The following SBF2 variants were observed in gnomAD, a reference collection of about 807,000 sequenced individuals.
SBF2 encodes myotubularin-related protein 13.
Under a neutral mutation model 225.2 loss-of-function variants are expected in SBF2, and 112 were observed. The ratio of observed to expected loss-of-function variants is 0.50; its 90% CI spans 0.43 to 0.58. The LOEUF is 0.58. SBF2 is among the 20% of genes least tolerant of loss of function. The probability of loss-of-function intolerance (pLI) is 0.00; values close to 1 mark genes in which losing one functional copy is unlikely to be tolerated. For synonymous variants in SBF2, 763 were observed against 773.3 expected (o/e 0.99, Z 0.22); for missense variants, 1,996 against 2,206.2 (o/e 0.90, Z 1.91).
intron 2 of SBF2, among the ~76,000 whole-genome samples, chr11:10,129,094 TTC>T (rs201440867): frequency 5.2e-5 from 6 of 116,140 alleles, no homozygotes; most frequent in East Asian, 4.9e-4. Flanking sequence ...GCACGCAATT[TTC>T]TCTCTTTTTT....
intron 14 of SBF2, among the ~76,000 whole-genome samples, chr11:9,965,279 G>A (rs940252169): frequency 3.4e-5 from 5 of 148,640 alleles, no homozygotes; most frequent in African/African-American, 7.4e-5. Context: ...ACCTATATTC[G>A]TCAAATAATG....
chr11:10,002,767 G>T, intron 6 of SBF2, 78 bp from the exon 7 acceptor site: 1 of 1,371,446 alleles, frequency 7.3e-7, no homozygotes, highest in Non-Finnish European at 1.0e-6. Flanking sequence ...AGTATACACG[G>T]AAAGAAAAAG....
At chr11:10,158,812 G>A (rs1256262774) in intron 2 of SBF2, among the ~76,000 whole-genome samples, 1 of 152,136 alleles carries the variant, frequency 6.6e-6, no homozygotes, top group Non-Finnish European at 1.5e-5. Context: ...ATCCCCAGTA[G>A]GATTTATCCC....
At chr11:10,192,520 T>C (rs1050949514) in intron 2 of SBF2, among the ~76,000 whole-genome samples, 5 of 152,200 alleles carry the variant, frequency 3.3e-5, no homozygotes, top group African/African-American at 1.2e-4. Context: ...CTGAGATATG[T>C]TGAACAAACA....
At chr11:9,915,621 C>T (rs1427043003) in intron 16 of SBF2, 1 of 151,810 alleles carries the variant, frequency 6.6e-6, no homozygotes. Context: ...AAATTAAAGA[C>T]CAGACTTAAG....
intron 13 of SBF2, among the ~76,000 whole-genome samples, chr11:9,979,689 A>T (rs1946856145): frequency 6.6e-6 from 1 of 152,220 alleles, no homozygotes; most frequent in African/African-American, 2.4e-5. Flanking sequence ...TTATGATTTA[A>T]TGTGTGATGT....
rs1182829636 is a variant in SBF2, at chr11:9,853,588, T to C, written c.2488A>G (p.Ser830Gly). 1 of 1,614,002 alleles carries C rather than the reference T, an allele frequency of 6.2e-7. No individual in the cohort carries two copies. Among genetic ancestry groups the C allele is most frequent in the Admixed American group, 1.7e-5 (1 of 60,016 alleles). ...TRFIDKVCTE[S>G]GVTQDHIKSL... ...TTGATGTGATCCTGAGTAACTCCAC[T>C]CTCTGTACAAACTTTGTCAATAAAT... The change falls in exon 20 of 40, where the codon AGT becomes GGT. Residue 830 changes from serine to glycine, a missense_variant. Physicochemically the swap from Ser to Gly is moderately conservative, Grantham distance 56. Transcript: ENST00000256190.
chr11:9,789,129 C>G lies in SBF2; in HGVS notation c.4912G>C (p.Ala1638Pro). 1 of 1,614,132 alleles carries G rather than the reference C, an allele frequency of 6.2e-7. No individual in the cohort carries two copies. The highest frequency in any genetic ancestry group is 8.5e-7 in the Non-Finnish European group (1 of 1,180,000). The change falls in exon 35 of 40, where the codon GCT (alanine) becomes CCT (proline). Residue 1638 changes from alanine to proline, a missense_variant. Physicochemically the swap from Ala to Pro is conservative, Grantham distance 27 (BLOSUM62 -1). Coordinates refer to ENST00000256190, the MANE Select transcript of SBF2 (RefSeq NM_030962.4). ...YDDVSCTQPD[A>P]LTSLFSEIEK... Reference sequence around the variant, plus strand: ...CTTACACTGAAAAGGCTGGTGAGAGCATCAGGCTGAGTACAGCTGACATCA... The same window carrying G: ...CTTACACTGAAAAGGCTGGTGAGAGGATCAGGCTGAGTACAGCTGACATCA...
At chr11:10,003,176 C>A (rs1020900883) in intron 6 of SBF2, among the ~76,000 whole-genome samples, 1 of 152,150 alleles carries the variant, frequency 6.6e-6, no homozygotes, top group Non-Finnish European at 1.5e-5. Context: ...TCCTAATAAA[C>A]CCATTGTAAA....
intron 2 of SBF2, among the ~76,000 whole-genome samples, chr11:10,095,925 C>CTAAA (rs1952000315): frequency 6.6e-6 from 1 of 152,078 alleles, no homozygotes; most frequent in Non-Finnish European, 1.5e-5. Flanking sequence ...AAGAACATAC[C>CTAAA]TAAATAAATA....
intron 13 of SBF2, among the ~76,000 whole-genome samples, chr11:9,983,227 A>G (rs542901172): frequency 5.9e-5 from 9 of 152,252 alleles, no homozygotes; most frequent in Non-Finnish European, 1.2e-4. Flanking sequence ...AAACAGACTC[A>G]GGGCTACTGG....
rs186236159 is a variant in SBF2, at chr11:9,903,604, C to T, written c.1861-7593G>A. On this transcript the variant is annotated intron_variant, in intron 16 of 39. Coordinates refer to ENST00000256190, the MANE Select transcript of SBF2 (RefSeq NM_030962.4). ...AAGTTTATTTTAAAAAGCTTTAGAA[C>T]GGGAAAGAAATGAAATAATGCTTGG... is the stretch of plus-strand genomic sequence containing the variant. Among the ~76,000 whole-genome samples the T allele has an allele frequency of 2.1e-4, 32 of 152,180 alleles. No individual in the cohort carries two copies. In the South Asian group the frequency reaches 2.9e-3, roughly 14 times the overall value.
chr11:10,005,698 C>T (rs1351057993), intron 6 of SBF2, among the ~76,000 whole-genome samples: 1 of 152,082 alleles, frequency 6.6e-6, no homozygotes, highest in African/African-American at 2.4e-5. Context: ...GGATACATTC[C>T]CTAATGTTAA....
intron 16 of SBF2, among the ~76,000 whole-genome samples, chr11:9,952,507 T>A (rs1310320090): frequency 6.6e-6 from 1 of 152,186 alleles, no homozygotes; most frequent in African/African-American, 2.4e-5. Context: ...CTTTTCCCGC[T>A]GCTACTTGGG....
chr11:9,987,493 C>T (rs901709125), intron 13 of SBF2, among the ~76,000 whole-genome samples: 3 of 152,016 alleles, frequency 2.0e-5, no homozygotes, highest in Non-Finnish European at 4.4e-5. Flanking sequence ...TGTTTGCTGA[C>T]GGTTATAATC....
intron 17 of SBF2, among the ~76,000 whole-genome samples, chr11:9,877,834 G>A (rs574576765): frequency 2.0e-5 from 3 of 152,214 alleles, no homozygotes; most frequent in Non-Finnish European, 4.4e-5. Flanking sequence ...CTTTGCTATT[G>A]TGTATAGTGC....
chr11:9,978,977 C>T (rs1946821916), intron 13 of SBF2, among the ~76,000 whole-genome samples: 1 of 152,194 alleles, frequency 6.6e-6, no homozygotes, highest in African/African-American at 2.4e-5. Flanking sequence ...CCAGCCTGGG[C>T]AACAGAGTGA....
intron 2 of SBF2, among the ~76,000 whole-genome samples, chr11:10,098,665 C>A (rs112014504): frequency 2.2e-5 from 3 of 137,946 alleles, no homozygotes; most frequent in African/African-American, 8.0e-5. Flanking sequence ...ATACAATCAA[C>A]AAAGACAAAA....
chr11:9,980,597 T>TC (rs1256964508), intron 13 of SBF2, among the ~76,000 whole-genome samples: 1 of 152,124 alleles, frequency 6.6e-6, no homozygotes, highest in Admixed American at 6.5e-5. Flanking sequence ...GAATTTTTTT[T>TC]TTTTTTTAAG....
Sources: gnomAD v4.1 joint callset for allele counts (sites outside exome capture counted in the v4.1 genomes callset) on GRCh38, gnomAD v4.1.1 for gene constraint, MANE v1.5 for transcripts, NCBI Gene and HGNC (gene_info 2026-07-23, HGNC 2026-07-21) for gene names.